Variants in HMGXB3 observed in about 807,000 individuals in gnomAD.
The protein encoded by HMGXB3 is HMG domain-containing protein 3.
In HMGXB3, 45 loss-of-function variants were observed where a neutral mutation model predicts 121.5. That is an observed-to-expected ratio of 0.37 (90% CI 0.29 to 0.47). The LOEUF is 0.47. HMGXB3 is among the 20% of genes least tolerant of loss of function. The pLI, the probability that HMGXB3 is intolerant of heterozygous loss-of-function variation, is 0.99. For synonymous variants in HMGXB3, 590 were observed against 624.1 expected, an observed-to-expected ratio of 0.95 and a Z score of 0.81; for missense variants, 1,376 against 1,602.2, an observed-to-expected ratio of 0.86 and a Z score of 2.41.
chr5:150,006,671 A>T lies in HMGXB3; in HGVS notation c.312+24A>T, dbSNP rs761759019. The T allele has an allele frequency of 2.6e-6, 4 of 1,547,750 alleles. No homozygotes were observed. The East Asian group carries it at 9.8e-5, about 38-fold the overall frequency. Reference sequence around the variant, plus strand: ...CTGTAAGTAATTTTTTTTTCCAGCTATTTTTTCCACTGGTTCAGTGATGAA... The same window carrying T: ...CTGTAAGTAATTTTTTTTTCCAGCTTTTTTTTCCACTGGTTCAGTGATGAA... On this transcript the variant is annotated intron_variant, in intron 3 of 19. Transcript: ENST00000502717.
At chr5:150,039,550 T>G (rs1581263365) in intron 13 of HMGXB3, among the ~76,000 whole-genome samples, 1 of 152,296 alleles carries the variant, frequency 6.6e-6, no homozygotes, top group East Asian at 1.9e-4. Context: ...TTCTTTGTAG[T>G]AGGTAGAGTA....
intron 11 of HMGXB3, among the ~76,000 whole-genome samples, chr5:150,033,355 C>A (rs545723183): frequency 9.9e-5 from 15 of 152,088 alleles, no homozygotes; most frequent in Non-Finnish European, 1.8e-4. Context: ...GGAGCCTGGT[C>A]ACTCCAGATC....
At chr5:150,040,102 G>C (rs1756592994) in intron 13 of HMGXB3, among the ~76,000 whole-genome samples, 1 of 152,106 alleles carries the variant, frequency 6.6e-6, no homozygotes, top group Non-Finnish European at 1.5e-5. Context: ...GATACCTTTG[G>C]TCCTGAGGAC....
At chr5:150,007,279 A>G (rs185996483) in intron 3 of HMGXB3, among the ~76,000 whole-genome samples, 96 of 152,378 alleles carry the variant, frequency 6.3e-4, no homozygotes, top group Non-Finnish European at 9.7e-4. Flanking sequence ...TCTAGTTCAC[A>G]GTAACAAAAT....
intron 5 of HMGXB3, 106 bp from the exon 6 acceptor site, chr5:150,018,460 G>C: frequency 1.2e-6 from 1 of 866,566 alleles, no homozygotes; most frequent in Non-Finnish European, 1.6e-6. Flanking sequence ...ATTATGAATT[G>C]GTTATCTTTC....
At position 150,010,478 on chromosome 5, in the gene HMGXB3, A is replaced by G; in HGVS notation, c.680A>G (p.His227Arg). 2.6e-6 allele frequency: 4 copies of G among 1,551,670 alleles called. No homozygotes were observed. Among genetic ancestry groups the G allele is most frequent in the Non-Finnish European group, 3.5e-6 (4 of 1,146,998 alleles). Reference sequence around the variant, plus strand: ...GCTTCCCTAGAAGTAGGGGAGAGCCACCAACCTTACCAGACAAGCCTGGTA... The same window carrying G: ...GCTTCCCTAGAAGTAGGGGAGAGCCGCCAACCTTACCAGACAAGCCTGGTA... ...EDASLEVGES[H>R]QPYQTSLVIE... Residue 227 changes from histidine to arginine, a missense_variant, in exon 4 of 20, where the codon CAC becomes CGC. This residue lies in a region of HMGXB3 where 1,116 missense variants were observed against 1,369.0 expected (regional missense o/e 0.82). Coordinates refer to ENST00000502717, the MANE Select transcript of HMGXB3 (RefSeq NM_014983.3).
rs193102483 is a variant in HMGXB3, at chr5:150,042,990, G to A, written c.2730+1021G>A. 8.5e-5 allele frequency among the ~76,000 whole-genome samples: 13 copies of A among 152,254 alleles called. No homozygotes were observed. In the East Asian group the frequency reaches 2.5e-3, roughly 29 times the overall value. On this transcript the variant is annotated intron_variant, in intron 15 of 19. Coordinates refer to ENST00000502717, the MANE Select transcript of HMGXB3 (RefSeq NM_014983.3). Reference sequence around the variant, plus strand: ...TACTCATGAATATAGATGAAAGTCTGAATAAAATAATAGCAAATCAGATCT... The same window carrying A: ...TACTCATGAATATAGATGAAAGTCTAAATAAAATAATAGCAAATCAGATCT...
chr5:150,033,840 T>A (rs1156939127), intron 11 of HMGXB3, among the ~76,000 whole-genome samples: 1 of 152,134 alleles, frequency 6.6e-6, no homozygotes, highest in East Asian at 1.9e-4. Flanking sequence ...CACCCTGGTC[T>A]CCAGAGTCTG....
At chr5:150,015,720 C>A (rs968121797) in intron 5 of HMGXB3, among the ~76,000 whole-genome samples, 3 of 152,180 alleles carry the variant, frequency 2.0e-5, no homozygotes, top group Non-Finnish European at 4.4e-5. Flanking sequence ...TAATTTACTT[C>A]TTTGACCTAT....
intron 6 of HMGXB3, chr5:150,021,516 G>A (rs541648551): frequency 6.6e-4 from 220 of 331,074 alleles, no homozygotes; most frequent in South Asian, 3.8e-3. Flanking sequence ...TTAAAACATT[G>A]AGATTTTTTG....
intron 4 of HMGXB3, among the ~76,000 whole-genome samples, chr5:150,011,864 G>A (rs905959405): frequency 1.3e-5 from 2 of 152,070 alleles, no homozygotes; most frequent in African/African-American, 2.4e-5. Flanking sequence ...CGCCCGCCTC[G>A]GCCTCCCAAA....
intron 5 of HMGXB3, among the ~76,000 whole-genome samples, chr5:150,012,814 C>T (rs13168011): frequency 0.55 from 83,149 of 152,058 alleles, 25,547 homozygotes; most frequent in Non-Finnish European, 0.69. Context: ...TTTTCAGCAT[C>T]GGGGCTGAGA....
At position 150,048,799 on chromosome 5, in the gene HMGXB3, C is replaced by T. The variant is rs72832133; in HGVS notation, c.3201+114C>T. On this transcript the variant is annotated intron_variant, in intron 18 of 19. Coordinates refer to ENST00000502717, the MANE Select transcript of HMGXB3 (RefSeq NM_014983.3). ...TAGACTTAGGTCACTGGGCAACCTC[C>T]GGCATAGCTGCCCACGGGTCAGGTG... 5,969 of 765,708 alleles carry T rather than the reference C, an allele frequency of 7.8e-3. 36 individuals carry two copies. Among genetic ancestry groups the T allele is most frequent in the Non-Finnish European group, 0.011 (4,896 of 443,558 alleles). 47.4% of individuals were successfully genotyped at this position (765,708 alleles called of 1,614,324 possible).
chr5:150,017,745 A>G (rs1755990614), intron 5 of HMGXB3, among the ~76,000 whole-genome samples: 1 of 152,200 alleles, frequency 6.6e-6, no homozygotes, highest in Non-Finnish European at 1.5e-5. Flanking sequence ...AGCTGAGTAA[A>G]CATTCATATG....
chr5:150,048,825 C>T, intron 18 of HMGXB3, 140 bp downstream of exon 18: 1 of 665,390 alleles, frequency 1.5e-6, no homozygotes, highest in Non-Finnish European at 2.7e-6. Flanking sequence ...GGGTCAGGTG[C>T]TACCCCCTGG....
Position 150,010,486 on chromosome 5 carries a change from T to A in HMGXB3, c.688T>A (p.Tyr230Asn). 1 of 1,551,612 alleles carries A rather than the reference T, an allele frequency of 6.4e-7. No individual in the cohort carries two copies. Among genetic ancestry groups the A allele is most frequent in the Non-Finnish European group, 8.7e-7 (1 of 1,146,988 alleles). Residue 230 changes from tyrosine (Y) to asparagine (N), a missense_variant, in exon 4 of 20, where the codon TAC (tyrosine) becomes AAC (asparagine). By Grantham distance (143) the Tyr-to-Asn change is moderately radical. Coordinates refer to ENST00000502717, the MANE Select transcript of HMGXB3 (RefSeq NM_014983.3). ...AGAAGTAGGGGAGAGCCACCAACCT[T>A]ACCAGACAAGCCTGGTAATTGAAGA... is the stretch of plus-strand genomic sequence containing the variant. ...SLEVGESHQP[Y>N]QTSLVIEETL...
At position 150,024,583 on chromosome 5, in the gene HMGXB3, G is replaced by T; in HGVS notation, c.1363G>T (p.Gly455Trp). 1 of 1,551,696 alleles carries T rather than the reference G, an allele frequency of 6.4e-7. No individual in the cohort carries two copies. Among genetic ancestry groups the T allele is most frequent in the African/African-American group, 1.4e-5 (1 of 73,138 alleles). Residue 455 changes from glycine (G) to tryptophan (W), a missense_variant, in exon 7 of 20, where the codon GGG becomes TGG. Gly to Trp is a radical substitution (Grantham distance 184). This residue lies in a region of HMGXB3 where 1,116 missense variants were observed against 1,369.0 expected (regional missense o/e 0.82). Transcript: ENST00000502717. ...TGGTGTGCAGCCTGAGGTCACTCTG[G>T]GGACAACTGACAATGACAGTCCTGG... is the stretch of plus-strand genomic sequence containing the variant. ...KSGVQPEVTL[G>W]TTDNDSPGAD...
rs1471394255 is a variant in HMGXB3, at chr5:150,006,491, C to T, written c.156C>T (p.Tyr52=). The change falls in exon 3 of 20, where the codon TAC becomes TAT. Residue 52 remains tyrosine, a synonymous_variant. Transcript: ENST00000502717. The stretch of plus-strand genomic sequence containing the variant: ...TCCTCAGGTCTGCTTACCTTCTGTA[C>T]TATTACGACATCTACCTGAAAGTGC... ...TKKPRSAYLL[Y]YYDIYLKVQQ... is the part of the protein sequence containing the mutation. 1 of 1,551,574 alleles carries T rather than the reference C, an allele frequency of 6.4e-7. No homozygotes were observed. The highest frequency in any genetic ancestry group is 1.4e-5 in the African/African-American group (1 of 73,016).
chr5:150,014,779 T>C, intron 5 of HMGXB3: 1 of 377,694 alleles, frequency 2.6e-6, no homozygotes, highest in South Asian at 3.2e-5. Context: ...TCTCTAGGAG[T>C]TTAATCTGGC....
Sources: allele counts gnomAD v4.1 joint callset (sites outside exome capture counted in the v4.1 genomes callset), GRCh38; gene constraint gnomAD v4.1.1; regional missense constraint gnomAD v4.1.1; transcripts MANE v1.5; gene names NCBI Gene and HGNC (gene_info 2026-07-23, HGNC 2026-07-21).